Variants in ANK1 observed in about 807,000 individuals in gnomAD.
The protein encoded by ANK1 is ankyrin-1.
A neutral mutation model predicts 210.4 loss-of-function variants in ANK1; 51 were observed. That is an observed-to-expected ratio of 0.24 (90% CI 0.19 to 0.31). The LOEUF (loss-of-function observed/expected upper bound fraction) is 0.31, where lower values mean the gene tolerates loss of function less well. ANK1 is among the 10% of genes least tolerant of loss of function. The pLI is 1.00. For missense variants in ANK1, 2,051 were observed against 2,504.4 expected (o/e 0.82, Z 3.86); for synonymous variants, 967 against 1,025.9 (o/e 0.94, Z 1.10).
At chr8:41,771,048 C>T (rs1185929425) in intron 1 of ANK1, among the ~76,000 whole-genome samples, 2 of 152,200 alleles carry the variant, frequency 1.3e-5, no homozygotes, top group Admixed American at 1.3e-4. Flanking sequence ...CAGTGCTAAA[C>T]ACAGTGATTA....
intron 1 of ANK1, among the ~76,000 whole-genome samples, chr8:41,879,107 C>A (rs1012388422): frequency 6.6e-6 from 1 of 151,964 alleles, no homozygotes; most frequent in African/African-American, 2.4e-5. Context: ...AAATGCAGGA[C>A]AATGTGTTTA....
chr8:41,714,138 G>A lies in ANK1; in HGVS notation c.1800+18C>T. The stretch of plus-strand genomic sequence containing the variant: ...GACCTGCTCTCCAGGGGCAGCTGGG[G>A]AGAGGGGCGGGCCTTACCCAGGCAG... On this transcript the variant is annotated intron_variant, in intron 16 of 42. Transcript: ENST00000289734. 1 of 1,329,750 alleles carries A rather than the reference G, an allele frequency of 7.5e-7. No homozygotes were observed. Among genetic ancestry groups the A allele is most frequent in the Non-Finnish European group, 9.7e-7 (1 of 1,028,666 alleles). The allele number at this position is 1,329,750 out of a possible 1,614,324, so 82.4% of individuals were successfully genotyped here. A position where few individuals can be genotyped will look rare whatever the true frequency, so the allele number is the denominator to read the frequency against.
At chr8:41,703,633 C>A (rs540331207) in intron 20 of ANK1, among the ~76,000 whole-genome samples, 2 of 150,330 alleles carry the variant, frequency 1.3e-5, no homozygotes, top group Non-Finnish European at 3.0e-5. Flanking sequence ...ACAGCTAATA[C>A]GTATCACCAC....
rs577504915 is a variant in ANK1 at position 41,698,893 on chromosome 8, T to C, written c.2558+559A>G. ...CTCACTACAACCTCCGCCTCCCGGGTTCAAGCAATTCTCCTGCCTCAGCCT... is the reference window on the plus strand; with the variant it reads ...CTCACTACAACCTCCGCCTCCCGGGCTCAAGCAATTCTCCTGCCTCAGCCT... On this transcript the variant is annotated intron_variant, in intron 23 of 42. Coordinates refer to ENST00000289734, the MANE Select transcript of ANK1 (RefSeq NM_000037.4). Among the ~76,000 whole-genome samples, 7 of 151,352 alleles carry C rather than the reference T, an allele frequency of 4.6e-5. No individual in the cohort carries two copies. The East Asian group carries it at 1.4e-3, about 29-fold the overall frequency.
At chr8:41,792,263 C>G (rs764695025) in intron 1 of ANK1, among the ~76,000 whole-genome samples, 4 of 152,216 alleles carry the variant, frequency 2.6e-5, no homozygotes, top group Non-Finnish European at 4.4e-5. Flanking sequence ...AGAATGATGA[C>G]AAACGCCACA....
chr8:41,696,779 G>C lies in ANK1; in HGVS notation c.2638-6C>G. The C allele has an allele frequency of 6.3e-7, 1 of 1,598,840 alleles. No homozygotes were observed. The highest frequency in any genetic ancestry group is 8.5e-7 in the Non-Finnish European group (1 of 1,179,294). On this transcript the variant is annotated splice_region_variant and splice_polypyrimidine_tract_variant and intron_variant, in intron 24 of 42. Transcript: ENST00000289734. ...TCATCATACTCTTTAGATGCCTGAG[G>C]AGAGAGAAAGGGTCCTCCTGTCCCA...
intron 1 of ANK1, among the ~76,000 whole-genome samples, chr8:41,833,361 G>T (rs144501048): frequency 6.6e-6 from 1 of 152,200 alleles, no homozygotes; most frequent in Non-Finnish European, 1.5e-5. Context: ...TGAAACCCAC[G>T]GGTCTGTGCA....
chr8:41,714,308 C>A, intron 15 of ANK1, 54 bp from the exon 16 acceptor site: 1 of 1,416,008 alleles, frequency 7.1e-7, no homozygotes, highest in Admixed American at 2.1e-5. Flanking sequence ...GACTTTCTCC[C>A]AGGACTCCCT....
intron 1 of ANK1, among the ~76,000 whole-genome samples, chr8:41,775,651 A>G (rs1405465738): frequency 6.6e-6 from 1 of 152,198 alleles, no homozygotes; most frequent in African/African-American, 2.4e-5. Flanking sequence ...AGGTTGAGGC[A>G]AGAATATCAC....
chr8:41,891,498 C>T (rs1490638266), intron 1 of ANK1, among the ~76,000 whole-genome samples: 3 of 152,200 alleles, frequency 2.0e-5, no homozygotes, highest in Non-Finnish European at 4.4e-5. Context: ...ATCACTTGCT[C>T]CTCACAGTCA....
chr8:41,710,818 G>C (rs1825926479), intron 16 of ANK1, among the ~76,000 whole-genome samples: 2 of 152,244 alleles, frequency 1.3e-5, no homozygotes, highest in Admixed American at 6.5e-5. Context: ...GTCAGGAAGA[G>C]GAAAGGGAAA....
chr8:41,688,445 G>T (rs1586093535), intron 34 of ANK1, 66 bp downstream of exon 34: 1 of 1,568,056 alleles, frequency 6.4e-7, no homozygotes, highest in Non-Finnish European at 8.8e-7. Flanking sequence ...GGGCTGCGGG[G>T]AGATGAGCTC....
chr8:41,658,897 TATAAATAAATAA>T (rs71239072), intron 42 of ANK1, among the ~76,000 whole-genome samples: 3,817 of 148,648 alleles, frequency 0.026, 184 homozygotes, highest in African/African-American at 0.088. Context: ...CCTCTCAAAA[TATAAATAAATAA>T]ATAAATAAAT....
chr8:41,780,436 T>G lies in ANK1; in HGVS notation c.27+17076A>C, dbSNP rs996420174. On this transcript the variant is annotated intron_variant, in intron 1 of 42. Transcript: ENST00000289734. Reference sequence around the variant, plus strand: ...CCCATAGGAGTTTGTTGAGTTAACCTGAGTGACTCACCAGAGAGCCTTCAG... The same window carrying G: ...CCCATAGGAGTTTGTTGAGTTAACCGGAGTGACTCACCAGAGAGCCTTCAG... 3.3e-5 allele frequency among the ~76,000 whole-genome samples: 5 copies of G among 152,380 alleles called. No homozygotes were observed. In the East Asian group the frequency reaches 9.7e-4, roughly 29 times the overall value.
chr8:41,675,602 T>A (rs956284720), intron 37 of ANK1, among the ~76,000 whole-genome samples: 33 of 152,334 alleles, frequency 2.2e-4, no homozygotes, highest in African/African-American at 7.2e-4. Context: ...TGAGGTATGT[T>A]TGACATTCAA....
upstream of ANK1, among the ~76,000 whole-genome samples, chr8:41,801,893 G>A (rs1351893869): frequency 6.6e-6 from 1 of 152,006 alleles, no homozygotes; most frequent in Non-Finnish European, 1.5e-5. Context: ...TTTCTTTATG[G>A]TTTGTGTTTC....
intron 37 of ANK1, 83 bp downstream of exon 37, chr8:41,684,461 G>C (rs777219846): frequency 1.8e-5 from 28 of 1,579,664 alleles, no homozygotes; most frequent in Non-Finnish European, 2.3e-5. Flanking sequence ...GAGGGATGAC[G>C]TATTGTGGGA....
At chr8:41,728,667 C>T (rs527342490) in intron 3 of ANK1, among the ~76,000 whole-genome samples, 36 of 152,038 alleles carry the variant, frequency 2.4e-4, no homozygotes, top group East Asian at 1.9e-4. Flanking sequence ...AGAGTGCGGC[C>T]ATGTCAAAGG....
chr8:41,766,884 G>A (rs1457459899), intron 1 of ANK1, among the ~76,000 whole-genome samples: 2 of 152,174 alleles, frequency 1.3e-5, no homozygotes, highest in Non-Finnish European at 2.9e-5. Context: ...AGTTTTAGGG[G>A]CCAGACGTGC....
Sources: gnomAD v4.1 joint callset for allele counts (sites outside exome capture counted in the v4.1 genomes callset) on GRCh38, gnomAD v4.1.1 for gene constraint, MANE v1.5 for transcripts, NCBI Gene and HGNC (gene_info 2026-07-23, HGNC 2026-07-21) for gene names.